Variants in KAT6B observed in about 807,000 individuals in gnomAD.
KAT6B encodes lysine acetyltransferase 6B, also known as histone acetyltransferase KAT6B.
In KAT6B, 10 loss-of-function variants were observed where a neutral mutation model predicts 187.5. That is an observed-to-expected ratio of 0.05 (90% CI 0.03 to 0.09). KAT6B has a LOEUF of 0.09. Ranked by LOEUF, KAT6B falls within the 10% of genes least tolerant of loss-of-function variation. The pLI, the probability that KAT6B is intolerant of heterozygous loss-of-function variation, is 1.00. For synonymous variants in KAT6B, 861 were observed against 926.8 expected, an observed-to-expected ratio of 0.93 and a Z score of 1.29; for missense variants, 1,952 against 2,558.9, an observed-to-expected ratio of 0.76 and a Z score of 5.12.
At chr10:74,864,906 A>G (rs1215677037) in intron 3 of KAT6B, among the ~76,000 whole-genome samples, 1 of 152,246 alleles carries the variant, frequency 6.6e-6, no homozygotes, top group East Asian at 1.9e-4. Context: ...AGCTAATATT[A>G]TACCTACGTT....
chr10:74,841,751 A>T (rs1029904708), intron 2 of KAT6B, among the ~76,000 whole-genome samples: 3 of 152,306 alleles, frequency 2.0e-5, no homozygotes, highest in African/African-American at 7.2e-5. Flanking sequence ...TAAGAAGTGG[A>T]TGTTATCATT....
chr10:74,964,088 A>T (rs1044731028), intron 4 of KAT6B, among the ~76,000 whole-genome samples: 4 of 152,164 alleles, frequency 2.6e-5, no homozygotes, highest in Admixed American at 6.5e-5. Flanking sequence ...CCGAGATTGC[A>T]CCACTGCACT....
intron 3 of KAT6B, among the ~76,000 whole-genome samples, chr10:74,930,754 G>A (rs1046872452): frequency 3.9e-5 from 6 of 152,130 alleles, no homozygotes; most frequent in Non-Finnish European, 2.9e-5. Context: ...TTTTCTTTGA[G>A]CATGGGTTGG....
chr10:74,883,528 A>G (rs912069878), intron 3 of KAT6B, among the ~76,000 whole-genome samples: 4 of 152,048 alleles, frequency 2.6e-5, no homozygotes, highest in African/African-American at 9.7e-5. Flanking sequence ...CCTTTCCTTT[A>G]GTAGGAAGTT....
chr10:74,936,717 G>A (rs540251576), intron 3 of KAT6B, among the ~76,000 whole-genome samples: 1 of 152,176 alleles, frequency 6.6e-6, no homozygotes, highest in East Asian at 1.9e-4. Context: ...AGGAGTGTGC[G>A]GTGTGTATAT....
chr10:74,914,474 C>T (rs531451038), intron 3 of KAT6B, among the ~76,000 whole-genome samples: 31 of 152,140 alleles, frequency 2.0e-4, no homozygotes, highest in African/African-American at 6.3e-4. Context: ...TTAGTTAATT[C>T]GATGTTTATC....
In KAT6B at chr10:74,927,570, G is replaced by A. The variant is rs11001207; in HGVS notation, c.622-32400G>A. Among the ~76,000 whole-genome samples the A allele has an allele frequency of 8.4e-3, 1,270 of 151,950 alleles. 12 individuals carry two copies. The highest frequency in any genetic ancestry group is 0.015 in the Non-Finnish European group (1,026 of 67,980). Reference sequence around the variant, plus strand: ...TTCAGAATCTCAGCAAGTAGTGAAGGGCTAGGTTATTGATTGTGGGAAATG... The same window carrying A: ...TTCAGAATCTCAGCAAGTAGTGAAGAGCTAGGTTATTGATTGTGGGAAATG... On this transcript the variant is annotated intron_variant, in intron 3 of 17. Transcript: ENST00000287239.
intron 3 of KAT6B, among the ~76,000 whole-genome samples, chr10:74,891,107 G>A (rs1845619117): frequency 6.6e-6 from 1 of 152,206 alleles, no homozygotes; most frequent in African/African-American, 2.4e-5. Flanking sequence ...ATGAACATTG[G>A]GGAAAGCTGT....
chr10:74,876,789 T>C (rs1161075339), intron 3 of KAT6B, among the ~76,000 whole-genome samples: 1 of 151,794 alleles, frequency 6.6e-6, no homozygotes. Flanking sequence ...GGCGCATGCG[T>C]GTAGTCTCAG....
chr10:74,955,285 G>T (rs970161284), intron 3 of KAT6B, among the ~76,000 whole-genome samples: 13 of 151,668 alleles, frequency 8.6e-5, no homozygotes, highest in Non-Finnish European at 1.6e-4. Context: ...ATTCATGGTT[G>T]GTTGAATCCA....
intron 17 of KAT6B, 97 bp from the exon 18 acceptor site, chr10:75,028,392 T>G: frequency 6.4e-7 from 1 of 1,555,348 alleles, no homozygotes; most frequent in Admixed American, 1.7e-5. Flanking sequence ...TTGAAAGCAG[T>G]GTTTGCTAAT....
At chr10:74,894,176 G>C (rs1589566348) in intron 3 of KAT6B, among the ~76,000 whole-genome samples, 1 of 151,672 alleles carries the variant, frequency 6.6e-6, no homozygotes, top group South Asian at 2.1e-4. Flanking sequence ...TCGCTTGCCG[G>C]GTTCAAGCCA....
At chr10:74,945,264 TAA>T (rs1432711117) in intron 3 of KAT6B, among the ~76,000 whole-genome samples, 1 of 152,168 alleles carries the variant, frequency 6.6e-6, no homozygotes, top group Non-Finnish European at 1.5e-5. Flanking sequence ...GGTTAAGTCA[TAA>T]AAGAGTACGG....
chr10:75,022,075 AGAGGAGGAGGAGGAC>A lies in KAT6B; in HGVS notation c.3228_3242del (p.Asp1077_Glu1081del), dbSNP rs1845455560. ...TGTCTAAAGAGAGCAGTGAAGAAGA[AGAGGAGGAGGAGGAC>A]GAGGAGGAGGAAGAAGAGGAGGAAG... On this transcript the variant is annotated inframe_deletion, in exon 16 of 18. Transcript: ENST00000287239. The A allele has an allele frequency of 6.2e-7, 1 of 1,613,594 alleles. No individual in the cohort carries two copies. The highest frequency in any genetic ancestry group is 8.5e-7 in the Non-Finnish European group (1 of 1,179,716).
intron 3 of KAT6B, among the ~76,000 whole-genome samples, chr10:74,915,783 C>T (rs1477780433): frequency 6.6e-6 from 1 of 152,208 alleles, no homozygotes; most frequent in Non-Finnish European, 1.5e-5. Context: ...AAATCCACAG[C>T]TCCCATATTG....
intron 12 of KAT6B, among the ~76,000 whole-genome samples, chr10:74,988,002 T>G (rs1334663397): frequency 6.6e-6 from 1 of 152,254 alleles, no homozygotes; most frequent in African/African-American, 2.4e-5. Flanking sequence ...CAACTACAAA[T>G]GTGCAAAAGT....
chr10:74,949,360 A>G (rs911422208), intron 3 of KAT6B, among the ~76,000 whole-genome samples: 1 of 152,206 alleles, frequency 6.6e-6, no homozygotes, highest in African/African-American at 2.4e-5. Flanking sequence ...TGTTTCATGA[A>G]TGTCCTTTCC....
chr10:74,905,943 T>G (rs925345284), intron 3 of KAT6B, among the ~76,000 whole-genome samples: 1 of 152,186 alleles, frequency 6.6e-6, no homozygotes, highest in Non-Finnish European at 1.5e-5. Flanking sequence ...CTTCTCACAT[T>G]TCGGCTGAGG....
At chr10:74,893,694 T>TC (rs1302513376) in intron 3 of KAT6B, among the ~76,000 whole-genome samples, 1 of 152,268 alleles carries the variant, frequency 6.6e-6, no homozygotes, top group Non-Finnish European at 1.5e-5. Context: ...AGTCTTGAAC[T>TC]CCCGATCTCA....
Sources: allele counts gnomAD v4.1 joint callset (sites outside exome capture counted in the v4.1 genomes callset), GRCh38; gene constraint gnomAD v4.1.1; transcripts MANE v1.5; gene names NCBI Gene and HGNC (gene_info 2026-07-23, HGNC 2026-07-21).